The following DCLK1 variants were observed in gnomAD, a reference collection of about 807,000 sequenced individuals.
DCLK1 encodes the protein doublecortin like kinase 1, also known as serine/threonine-protein kinase DCLK1.
In DCLK1, 16 loss-of-function variants were observed where a neutral mutation model predicts 86.2. That is an observed-to-expected ratio of 0.19 (90% CI 0.13 to 0.28). The LOEUF (loss-of-function observed/expected upper bound fraction) is 0.28, where lower values mean the gene tolerates loss of function less well. Ranked by LOEUF, DCLK1 falls within the 10% of genes least tolerant of loss-of-function variation. The pLI is 1.00. For synonymous variants in DCLK1, 369 were observed against 370.5 expected (o/e 1.00, Z 0.05); for missense variants, 590 against 940.2 (o/e 0.63, Z 4.87).
At chr13:35,826,523 CAAAAAAA>C (rs533243711) in intron 10 of DCLK1, among the ~76,000 whole-genome samples, 808 of 19,422 alleles carry the variant, frequency 0.042, 84 homozygotes, top group Middle Eastern at 0.091. Flanking sequence ...AACTCCATCT[CAAAAAAA>C]AAAAAAAAAA....
At chr13:35,797,070 T>G (rs989284207) in intron 15 of DCLK1, among the ~76,000 whole-genome samples, 1 of 152,064 alleles carries the variant, frequency 6.6e-6, no homozygotes, top group Non-Finnish European at 1.5e-5. Flanking sequence ...GACTCTAGGA[T>G]CCTATGTGCA....
At chr13:36,107,447 T>C (rs1246312726) in intron 3 of DCLK1, among the ~76,000 whole-genome samples, 2 of 149,974 alleles carry the variant, frequency 1.3e-5, no homozygotes, top group Non-Finnish European at 3.0e-5. Context: ...ATAAAGTACA[T>C]GGCCTATGTG....
At chr13:35,814,445 G>A (rs1175347551) in intron 11 of DCLK1, among the ~76,000 whole-genome samples, 1 of 152,214 alleles carries the variant, frequency 6.6e-6, no homozygotes, top group Admixed American at 6.5e-5. Context: ...GGATTGACTT[G>A]TTACTTGGCG....
At chr13:36,071,953 G>A (rs1216272661) in intron 3 of DCLK1, among the ~76,000 whole-genome samples, 1 of 152,156 alleles carries the variant, frequency 6.6e-6, no homozygotes, top group Non-Finnish European at 1.5e-5. Flanking sequence ...AGAGAGGCAT[G>A]CCAAAGAAAT....
At chr13:35,891,947 T>G (rs942983117) in intron 4 of DCLK1, among the ~76,000 whole-genome samples, 1 of 152,212 alleles carries the variant, frequency 6.6e-6, no homozygotes, top group Admixed American at 6.5e-5. Context: ...TTCTGATTCC[T>G]GGGATTATAT....
At chr13:35,826,550 A>G (rs369275577) in intron 10 of DCLK1, among the ~76,000 whole-genome samples, 1,427 of 25,088 alleles carry the variant, frequency 0.057, 125 homozygotes, top group East Asian at 0.11. Flanking sequence ...AAAGAAAGAA[A>G]GAAAGAAAGA....
chr13:35,849,653 T>G, intron 6 of DCLK1: 3 of 983,850 alleles, frequency 3.0e-6, no homozygotes, highest in Non-Finnish European at 3.6e-6. Flanking sequence ...AGGTTAATGT[T>G]TAACAATGGG....
chr13:35,918,076 C>T (rs1009875358), intron 4 of DCLK1, among the ~76,000 whole-genome samples: 1 of 152,196 alleles, frequency 6.6e-6, no homozygotes, highest in African/African-American at 2.4e-5. Flanking sequence ...TTATTCTTAA[C>T]AGGCATACTA....
At chr13:35,974,225 G>A (rs1056697173) in intron 3 of DCLK1, among the ~76,000 whole-genome samples, 9 of 152,154 alleles carry the variant, frequency 5.9e-5, no homozygotes, top group African/African-American at 1.4e-4. Flanking sequence ...TCCTAACCCC[G>A]AGTACTTGAG....
At chr13:35,808,124 T>C in intron 14 of DCLK1, 100 bp downstream of exon 14, 1 of 1,143,034 alleles carries the variant, frequency 8.7e-7, no homozygotes, top group Non-Finnish European at 1.3e-6. Flanking sequence ...ACAGAAATCA[T>C]ACTTATGATG....
rs528011116 is a variant in DCLK1, at chr13:36,105,406, G to A, written c.723+6463C>T. The stretch of plus-strand genomic sequence containing the variant: ...AATCACAGTGCTAAATTTGCCATGT[G>A]AATTGTTTCATTTAGTCCTCATGAC... On this transcript the variant is annotated intron_variant, in intron 3 of 16. Transcript: ENST00000360631. Among the ~76,000 whole-genome samples, 111 of 152,208 alleles carry A rather than the reference G, an allele frequency of 7.3e-4. 1 individual carries two copies. The highest frequency in any genetic ancestry group is 1.4e-3 in the Non-Finnish European group (94 of 68,008).
At chr13:36,111,543 T>G (rs754739080) in intron 3 of DCLK1, among the ~76,000 whole-genome samples, 9 of 152,230 alleles carry the variant, frequency 5.9e-5, no homozygotes, top group Admixed American at 3.3e-4. Flanking sequence ...AGTCATTCAT[T>G]CTTCAGGCTA....
At chr13:35,986,372 G>A (rs1879913309) in intron 3 of DCLK1, among the ~76,000 whole-genome samples, 1 of 151,108 alleles carries the variant, frequency 6.6e-6, no homozygotes. Flanking sequence ...AGGAGGCAGG[G>A]GAGAACCAGG....
intron 4 of DCLK1, among the ~76,000 whole-genome samples, chr13:35,872,004 A>G (rs924897754): frequency 2.6e-5 from 4 of 152,258 alleles, no homozygotes; most frequent in African/African-American, 4.8e-5. Context: ...CTTCACTTTC[A>G]TTAGATTTAA....
At chr13:36,008,745 G>A (rs376800437) in intron 3 of DCLK1, among the ~76,000 whole-genome samples, 1 of 151,160 alleles carries the variant, frequency 6.6e-6, no homozygotes, top group African/African-American at 2.4e-5. Context: ...ACCCAGTAAT[G>A]GGATGGCTGG....
chr13:35,842,228 CA>C (rs35862851), intron 6 of DCLK1, among the ~76,000 whole-genome samples: 903 of 35,046 alleles, frequency 0.026, no homozygotes, highest in African/African-American at 0.089. Context: ...GACTCCATCT[CA>C]AAAAAAAAAA....
At chr13:36,026,872 T>G (rs1184689360) in intron 3 of DCLK1, among the ~76,000 whole-genome samples, 1 of 152,158 alleles carries the variant, frequency 6.6e-6, no homozygotes, top group Non-Finnish European at 1.5e-5. Flanking sequence ...ATGAATATAA[T>G]GTTGTAAAAA....
chr13:35,907,326 C>T (rs1325633826), intron 4 of DCLK1, among the ~76,000 whole-genome samples: 1 of 152,046 alleles, frequency 6.6e-6, no homozygotes, highest in African/African-American at 2.4e-5. Context: ...CCACACCTGG[C>T]TAATTTAAAT....
In DCLK1 at chr13:35,971,703, C is replaced by G. The variant is rs569045536; in HGVS notation, c.724-24246G>C. Among the ~76,000 whole-genome samples, 37 of 151,168 alleles carry G rather than the reference C, an allele frequency of 2.4e-4. No individual in the cohort carries two copies. In the South Asian group the frequency reaches 7.3e-3, roughly 30 times the overall value. ...TCTTGAACCTGGGAGGCAGATGTTG[C>G]AGTGAGCCAAGATTGTGCCACTGCA... On this transcript the variant is annotated intron_variant, in intron 3 of 16. Coordinates refer to ENST00000360631, the MANE Select transcript of DCLK1 (RefSeq NM_001330071.2).
Sources: allele counts gnomAD v4.1 joint callset (sites outside exome capture counted in the v4.1 genomes callset), GRCh38; gene constraint gnomAD v4.1.1; transcripts MANE v1.5; gene names NCBI Gene and HGNC (gene_info 2026-07-23, HGNC 2026-07-21).